Variants in ARL8B observed in about 807,000 individuals in gnomAD.
The protein encoded by ARL8B is ADP-ribosylation factor-like protein 8B.
A neutral mutation model predicts 30.6 loss-of-function variants in ARL8B; 9 were observed. That is an observed-to-expected ratio of 0.29 (90% confidence interval 0.18 to 0.51). ARL8B has a LOEUF of 0.51. Ranked by LOEUF, ARL8B falls within the 20% of genes least tolerant of loss-of-function variation. The pLI, the probability that ARL8B is intolerant of heterozygous loss-of-function variation, is 0.97. For synonymous variants in ARL8B, 74 were observed against 76.0 expected (o/e 0.97, Z 0.14); for missense variants, 130 against 227.2 (o/e 0.57, Z 2.75).
chr3:5,176,569 G>A (rs1443072014), intron 6 of ARL8B, among the ~76,000 whole-genome samples: 2 of 152,112 alleles, frequency 1.3e-5, no homozygotes, highest in East Asian at 1.9e-4. Context: ...GTGGATAGTC[G>A]TTCTGGCTAA....
rs145765943 is a variant in ARL8B at position 5,154,472 on chromosome 3, C to G, written c.124-16031C>G. 2.8e-3 allele frequency among the ~76,000 whole-genome samples: 423 copies of G among 151,072 alleles called. 1 individual carries two copies. The highest frequency in any genetic ancestry group is 7.0e-3 in the Middle Eastern group (2 of 286). ...GCCTCAGCCTCCCGAGTAGCTGGGA[C>G]TATAGGCATCCACTACCATGCCCAG... On this transcript the variant is annotated intron_variant, in intron 1 of 6. Transcript: ENST00000256496.
intron 1 of ARL8B, among the ~76,000 whole-genome samples, chr3:5,134,874 G>A (rs2054311546): frequency 6.6e-6 from 1 of 152,186 alleles, no homozygotes; most frequent in African/African-American, 2.4e-5. Context: ...TTGAGATGGA[G>A]TCTCGCTCTG....
In ARL8B at chr3:5,146,873, C is replaced by T. The variant is rs546517149; in HGVS notation, c.124-23630C>T. On this transcript the variant is annotated intron_variant, in intron 1 of 6. Transcript: ENST00000256496. ...CTTGGTGAATTAGGGAGGAGCAAGCCGCCCCAGTATCAACCAAAAATGTCC... is the reference window on the plus strand; with the variant it reads ...CTTGGTGAATTAGGGAGGAGCAAGCTGCCCCAGTATCAACCAAAAATGTCC... 1.1e-4 allele frequency among the ~76,000 whole-genome samples: 16 copies of T among 152,200 alleles called. No homozygotes were observed. In the South Asian group the frequency reaches 1.7e-3, roughly 16 times the overall value.
chr3:5,132,152 G>A (rs1002950120), intron 1 of ARL8B, among the ~76,000 whole-genome samples: 27 of 152,188 alleles, frequency 1.8e-4, no homozygotes, highest in African/African-American at 6.5e-4. Context: ...GCCTCCCAGT[G>A]TTGGGAGTAC....
intron 2 of ARL8B, among the ~76,000 whole-genome samples, chr3:5,171,421 G>A (rs1280207662): frequency 6.6e-6 from 1 of 151,342 alleles, no homozygotes; most frequent in Admixed American, 6.6e-5. Context: ...GTGTGATCTC[G>A]GCTCACTGCA....
rs953849286 is a variant in ARL8B, at chr3:5,177,038, T to G, written c.512-1626T>G. The stretch of plus-strand genomic sequence containing the variant: ...TCCTGTTCTACACTAACCGTAATTT[T>G]TAGTCCATTGTGCTATTTTGTAAAT... On this transcript the variant is annotated intron_variant, in intron 6 of 6. Coordinates refer to ENST00000256496, the MANE Select transcript of ARL8B (RefSeq NM_018184.3). Among the ~76,000 whole-genome samples the G allele has an allele frequency of 3.3e-5, 5 of 152,258 alleles. No individual in the cohort carries two copies. The East Asian group carries it at 5.8e-4, about 18-fold the overall frequency.
chr3:5,132,578 C>A (rs1412191904), intron 1 of ARL8B, among the ~76,000 whole-genome samples: 1 of 152,158 alleles, frequency 6.6e-6, no homozygotes, highest in Non-Finnish European at 1.5e-5. Context: ...ATCTTGTTCT[C>A]TTGTTTCTAA....
At chr3:5,152,260 G>C (rs943503391) in intron 1 of ARL8B, among the ~76,000 whole-genome samples, 1 of 152,038 alleles carries the variant, frequency 6.6e-6, no homozygotes, top group Non-Finnish European at 1.5e-5. Context: ...TTGAAGTTTT[G>C]TTAGGTGCAT....
At chr3:5,134,353 G>C (rs2106555374) in intron 1 of ARL8B, among the ~76,000 whole-genome samples, 1 of 152,340 alleles carries the variant, frequency 6.6e-6, no homozygotes, top group East Asian at 1.9e-4. Flanking sequence ...CTGCCCAGAA[G>C]AGGTCTTTAA....
At chr3:5,143,369 A>G (rs911656949) in intron 1 of ARL8B, among the ~76,000 whole-genome samples, 9 of 152,348 alleles carry the variant, frequency 5.9e-5, no homozygotes, top group South Asian at 4.1e-4. Context: ...AATGTGGGAA[A>G]GAGCAGTGAC....
chr3:5,126,472 T>A (rs774618443), intron 1 of ARL8B, among the ~76,000 whole-genome samples: 2 of 152,230 alleles, frequency 1.3e-5, no homozygotes, highest in Non-Finnish European at 2.9e-5. Flanking sequence ...TTGTAAACAT[T>A]AAAATGTCAC....
chr3:5,130,508 C>T (rs2054273158), intron 1 of ARL8B, among the ~76,000 whole-genome samples: 1 of 151,684 alleles, frequency 6.6e-6, no homozygotes, highest in Non-Finnish European at 1.5e-5. Context: ...TAGTGGGATG[C>T]TGCTTGCTTG....
At chr3:5,177,560 G>T (rs959069905) in intron 6 of ARL8B, among the ~76,000 whole-genome samples, 3 of 151,408 alleles carry the variant, frequency 2.0e-5, no homozygotes, top group Non-Finnish European at 2.9e-5. Flanking sequence ...GGGTTCAAGT[G>T]ATCTCCTGCC....
intron 1 of ARL8B, among the ~76,000 whole-genome samples, chr3:5,131,786 G>A (rs2054285817): frequency 6.6e-6 from 1 of 152,172 alleles, no homozygotes; most frequent in Non-Finnish European, 1.5e-5. Flanking sequence ...ACTCTTAAGT[G>A]ACTGAAATGT....
intron 6 of ARL8B, among the ~76,000 whole-genome samples, chr3:5,174,755 TATAA>T (rs1307109197): frequency 8.9e-5 from 13 of 145,710 alleles, no homozygotes; most frequent in South Asian, 4.2e-4. Flanking sequence ...ATATAATATA[TATAA>T]ATATATATTA....
intron 1 of ARL8B, among the ~76,000 whole-genome samples, chr3:5,168,480 G>A (rs967216329): frequency 6.6e-6 from 1 of 152,222 alleles, no homozygotes; most frequent in Admixed American, 6.5e-5. Context: ...GTTTTTGCAT[G>A]TTAGCAGTAG....
At position 5,172,634 on chromosome 3, in the gene ARL8B, T is replaced by A; in HGVS notation, c.279-13T>A. On this transcript the variant is annotated splice_polypyrimidine_tract_variant and intron_variant, in intron 3 of 6. Coordinates refer to ENST00000256496, the MANE Select transcript of ARL8B (RefSeq NM_018184.3). Reference sequence around the variant, plus strand: ...ACAGAGAAGGTATGTTGAGATCACTTCATTTTTTTAAGTTACATGATAGAT... The same window carrying A: ...ACAGAGAAGGTATGTTGAGATCACTACATTTTTTTAAGTTACATGATAGAT... 1 of 1,592,984 alleles carries A rather than the reference T, an allele frequency of 6.3e-7. No homozygotes were observed. The highest frequency in any genetic ancestry group is 8.6e-7 in the Non-Finnish European group (1 of 1,162,398).
chr3:5,156,869 T>G (rs1204575046), intron 1 of ARL8B: 1 of 151,312 alleles, frequency 6.6e-6, no homozygotes, highest in Non-Finnish European at 1.5e-5. Context: ...CCCAAAATGC[T>G]AGGATTACGG....
At chr3:5,146,108 T>C (rs1485641027) in intron 1 of ARL8B, among the ~76,000 whole-genome samples, 1 of 152,212 alleles carries the variant, frequency 6.6e-6, no homozygotes, top group Non-Finnish European at 1.5e-5. Context: ...GGGGCTTCCG[T>C]GAAGCCTTCT....
Sources: allele counts gnomAD v4.1 joint callset (sites outside exome capture counted in the v4.1 genomes callset), GRCh38; gene constraint gnomAD v4.1.1; transcripts MANE v1.5; gene names NCBI Gene and HGNC (gene_info 2026-07-23, HGNC 2026-07-21).